The following LAMB4 variants were observed in gnomAD, a reference collection of about 807,000 sequenced individuals.
LAMB4 encodes the protein laminin subunit beta-4.
LAMB4 carries 196 observed loss-of-function variants against 199.2 expected under a neutral mutation model. The observed-to-expected ratio is 0.98, with a 90% CI of 0.88 to 1.11. LAMB4 has a LOEUF of 1.11. Ranked by LOEUF, LAMB4 falls within the 50% of genes least tolerant of loss-of-function variation. LAMB4 has a pLI of 0.00. For missense variants in LAMB4, 2,080 were observed against 2,171.2 expected (o/e 0.96, Z 0.83); for synonymous variants, 744 against 770.6 (o/e 0.97, Z 0.57).
At chr7:108,120,591 T>G (rs926972122) in intron 2 of LAMB4, among the ~76,000 whole-genome samples, 1 of 152,252 alleles carries the variant, frequency 6.6e-6, no homozygotes, top group Non-Finnish European at 1.5e-5. Context: ...ATGCGGACTT[T>G]TATTTAACCA....
rs543030822 is a variant in LAMB4, at chr7:108,057,664, C to T, written c.3379+168G>A. Among the ~76,000 whole-genome samples the T allele has an allele frequency of 2.0e-5, 3 of 152,086 alleles. No homozygotes were observed. The South Asian group carries it at 6.2e-4, about 32-fold the overall frequency. On this transcript the variant is annotated intron_variant, in intron 24 of 33. Transcript: ENST00000388781. ...GGAGGAAAATAATCTTTTTGCAGGG[C>T]TATAGGAAGATTATTTTCAAAATGT...
At chr7:108,122,320 G>A (rs778071262) in intron 2 of LAMB4, among the ~76,000 whole-genome samples, 1 of 152,124 alleles carries the variant, frequency 6.6e-6, no homozygotes, top group Non-Finnish European at 1.5e-5. Flanking sequence ...ACCAGTCCTG[G>A]GATGTGGAGG....
chr7:108,051,774 G>T (rs1444733012), intron 26 of LAMB4, among the ~76,000 whole-genome samples: 1 of 151,668 alleles, frequency 6.6e-6, no homozygotes, highest in African/African-American at 2.4e-5. Flanking sequence ...TCTCTCATTT[G>T]CTTATGGCCA....
rs776651472 is a variant in LAMB4 at position 108,107,613 on chromosome 7, C to A, written c.591+18G>T. On this transcript the variant is annotated intron_variant, in intron 6 of 33. Coordinates refer to ENST00000388781, the MANE Select transcript of LAMB4 (RefSeq NM_007356.3). Reference sequence around the variant, plus strand: ...AAGTTTAATTTATACAAAATAAATACAAGGAAGGAAATGCTACCTCTCCAC... The same window carrying A: ...AAGTTTAATTTATACAAAATAAATAAAAGGAAGGAAATGCTACCTCTCCAC... The A allele has an allele frequency of 6.5e-7, 1 of 1,544,140 alleles. No homozygotes were observed. Among genetic ancestry groups the A allele is most frequent in the Admixed American group, 2.2e-5 (1 of 45,482 alleles).
Position 108,037,410 on chromosome 7 carries a change from A to G in LAMB4, c.4657T>C (p.Leu1553=), listed in dbSNP as rs1443126850. 28 of 1,613,998 alleles carry G rather than the reference A, an allele frequency of 1.7e-5. No homozygotes were observed. The highest frequency in any genetic ancestry group is 2.3e-5 in the Non-Finnish European group (27 of 1,180,000). The part of the protein sequence containing the change: ...NEEADGAQKL[L]VKAKAAEKAA... ...TACTCAGCTGCTTTGGCCTTCACCA[A>G]AAGCTTTTGGGCTCCATCTGCTTCT... Residue 1553 remains leucine, a synonymous_variant, in exon 30 of 34, where the codon TTG becomes CTG. Transcript: ENST00000388781.
At chr7:108,072,473 T>A (rs1365979437) in intron 17 of LAMB4, among the ~76,000 whole-genome samples, 1 of 152,186 alleles carries the variant, frequency 6.6e-6, no homozygotes, top group Non-Finnish European at 1.5e-5. Flanking sequence ...ATGAATTTCA[T>A]TTCAGGATGG....
rs543592445 is a variant in LAMB4 at position 108,127,185 on chromosome 7, T to G, written c.-34+3121A>C. On this transcript the variant is annotated intron_variant, in intron 1 of 33. Transcript: ENST00000388781. The stretch of plus-strand genomic sequence containing the variant: ...ATTAAAATCACCAGGGTTTTTTTTT[T>G]TGTGTTTTTTTTTTTTTTTTGAATC... Among the ~76,000 whole-genome samples the G allele has an allele frequency of 9.2e-3, 633 of 69,052 alleles. 2 individuals are homozygous for G. Among genetic ancestry groups the G allele is most frequent in the African/African-American group, 0.015 (469 of 30,438 alleles). 45.3% of individuals were successfully genotyped at this position (69,052 alleles called of 152,430 possible).
intron 29 of LAMB4, among the ~76,000 whole-genome samples, chr7:108,040,881 G>A (rs2035399859): frequency 1.3e-5 from 2 of 152,058 alleles, no homozygotes; most frequent in African/African-American, 2.4e-5. Context: ...CACCACAAGC[G>A]ACTACAACAA....
intron 4 of LAMB4, 113 bp downstream of exon 4, chr7:108,111,698 T>G (rs1318301174): frequency 1.1e-6 from 1 of 872,060 alleles, no homozygotes; most frequent in Non-Finnish European, 1.8e-6. Context: ...TGGAGGATAC[T>G]GTTCCATTCC....
intron 16 of LAMB4, among the ~76,000 whole-genome samples, chr7:108,077,859 G>T (rs1352148524): frequency 6.6e-6 from 1 of 152,136 alleles, no homozygotes; most frequent in Non-Finnish European, 1.5e-5. Context: ...AAAGCCACCT[G>T]GGGACCGGAA....
At chr7:108,061,674 G>T (rs976621652) in intron 23 of LAMB4, among the ~76,000 whole-genome samples, 6 of 151,032 alleles carry the variant, frequency 4.0e-5, no homozygotes, top group Admixed American at 3.3e-4. Context: ...AGGAGGCAGA[G>T]GTTGCAGTGA....
chr7:108,042,937 CTGTGTGTGTGTGTGTGTGTG>C (rs754739499), intron 29 of LAMB4, among the ~76,000 whole-genome samples: 11 of 140,290 alleles, frequency 7.8e-5, no homozygotes, highest in Admixed American at 6.4e-4. Flanking sequence ...CTCTCAATCT[CTGTGTGTGTGTGTGTGTGTG>C]TGTGTGTGTG....
intron 12 of LAMB4, among the ~76,000 whole-genome samples, chr7:108,093,412 C>G (rs1263871224): frequency 1.3e-5 from 2 of 152,168 alleles, no homozygotes; most frequent in African/African-American, 4.8e-5. Flanking sequence ...CCACAACAAC[C>G]CCTGGGAATT....
At chr7:108,093,136 G>A (rs1359361068) in intron 12 of LAMB4, among the ~76,000 whole-genome samples, 1 of 152,116 alleles carries the variant, frequency 6.6e-6, no homozygotes, top group Non-Finnish European at 1.5e-5. Flanking sequence ...GCAGTGGTAC[G>A]ATCTTGGCCA....
At chr7:108,092,505 ACACGT>A in intron 12 of LAMB4, 89 bp from the exon 13 acceptor site, 1 of 984,336 alleles carries the variant, frequency 1.0e-6, no homozygotes, top group East Asian at 2.5e-5. Context: ...TGCAATTGCC[ACACGT>A]CAAATAGCCA....
chr7:108,102,297 C>G (rs1365422422), intron 10 of LAMB4, among the ~76,000 whole-genome samples: 1 of 152,110 alleles, frequency 6.6e-6, no homozygotes, highest in East Asian at 1.9e-4. Context: ...ATGAAATACC[C>G]AAGTTGCTGA....
At chr7:108,067,871 G>T in intron 19 of LAMB4, 145 bp downstream of exon 19, 1 of 1,009,388 alleles carries the variant, frequency 9.9e-7, no homozygotes, top group Non-Finnish European at 1.5e-6. Context: ...AAAATGTTCA[G>T]TATATTTTAT....
intron 28 of LAMB4, among the ~76,000 whole-genome samples, chr7:108,047,046 C>T (rs925219208): frequency 3.3e-5 from 5 of 152,002 alleles, no homozygotes; most frequent in African/African-American, 1.2e-4. Context: ...GGATTATAGG[C>T]GTGACCCACT....
intron 10 of LAMB4, among the ~76,000 whole-genome samples, chr7:108,098,831 G>A (rs1391128071): frequency 6.6e-6 from 1 of 152,196 alleles, no homozygotes; most frequent in African/African-American, 2.4e-5. Flanking sequence ...GAGGACCAGA[G>A]GAAGACTGCT....
Sources: gnomAD v4.1 joint callset for allele counts (sites outside exome capture counted in the v4.1 genomes callset) on GRCh38, gnomAD v4.1.1 for gene constraint, MANE v1.5 for transcripts, NCBI Gene and HGNC (gene_info 2026-07-23, HGNC 2026-07-21) for gene names.